Variants in SUPT3H observed in about 807,000 individuals in gnomAD.
SUPT3H encodes the protein transcription initiation protein SPT3 homolog.
Under a neutral mutation model 44.3 loss-of-function variants are expected in SUPT3H, and 44 were observed. The observed-to-expected ratio is 0.99, with a 90% CI of 0.78 to 1.28. The LOEUF (loss-of-function observed/expected upper bound fraction) is 1.28. Ranked by LOEUF, SUPT3H falls within the 50% of genes most tolerant of loss-of-function variation. SUPT3H has a pLI of 0.00. For missense variants in SUPT3H, 380 were observed against 387.1 expected (o/e 0.98, Z 0.15); for synonymous variants, 124 against 125.6 (o/e 0.99, Z 0.09).
At chr6:45,130,712 C>CTTT (rs1194423160) in intron 2 of SUPT3H, among the ~76,000 whole-genome samples, 48 of 88,592 alleles carry the variant, frequency 5.4e-4, no homozygotes, top group Non-Finnish European at 7.3e-4. Context: ...AAAAAAACCA[C>CTTT]TTTTTTTTTT....
rs372565666 is a variant in SUPT3H at position 45,010,900 on chromosome 6, G to A, written c.364+3901C>T. ...GTTAAAGAGGTTTCCTTCTCTTCCT[G>A]GTTTGTTGAATGTCCCTCTCATTAA... On this transcript the variant is annotated intron_variant, in intron 5 of 10. Transcript: ENST00000371459. Among the ~76,000 whole-genome samples the A allele has an allele frequency of 1.4e-4, 22 of 152,002 alleles. 1 individual carries two copies. The East Asian group carries it at 4.3e-3, about 29-fold the overall frequency.
At chr6:45,020,500 T>A in intron 4 of SUPT3H, 46 bp downstream of exon 4, 2 of 1,472,856 alleles carry the variant, frequency 1.4e-6, no homozygotes, top group Non-Finnish European at 1.9e-6. Context: ...GCAAGTTCAA[T>A]TAAACAAAAC....
intron 2 of SUPT3H, among the ~76,000 whole-genome samples, chr6:45,264,424 C>T (rs1774916665): frequency 6.6e-6 from 1 of 152,136 alleles, no homozygotes; most frequent in Admixed American, 6.6e-5. Flanking sequence ...CTTTGAGAGG[C>T]TGAGGCAGGT....
chr6:44,844,942 T>C (rs1165969516), intron 10 of SUPT3H, among the ~76,000 whole-genome samples: 2 of 152,136 alleles, frequency 1.3e-5, no homozygotes, highest in East Asian at 3.8e-4. Flanking sequence ...CCCACAATAA[T>C]GCTTTTGTTG....
intron 2 of SUPT3H, among the ~76,000 whole-genome samples, chr6:45,364,420 T>C (rs1259537937): frequency 6.6e-6 from 1 of 152,190 alleles, no homozygotes; most frequent in Non-Finnish European, 1.5e-5. Context: ...TCAACAGATA[T>C]ATTCTTTTCA....
chr6:45,037,630 C>T (rs1787880914), intron 3 of SUPT3H, among the ~76,000 whole-genome samples: 1 of 151,574 alleles, frequency 6.6e-6, no homozygotes, highest in South Asian at 2.1e-4. Context: ...TGCCACTGCA[C>T]TCCAGCCTGG....
intron 3 of SUPT3H, chr6:45,098,368 G>A: frequency 6.4e-6 from 1 of 156,064 alleles, no homozygotes; most frequent in South Asian, 2.0e-4. Context: ...AAAGAGTACT[G>A]CATGTAGAAT....
chr6:45,131,022 C>T (rs1349657207), intron 2 of SUPT3H, among the ~76,000 whole-genome samples: 1 of 152,016 alleles, frequency 6.6e-6, no homozygotes, highest in Admixed American at 6.6e-5. Flanking sequence ...CAGCCAAGAA[C>T]ACTTTTAAGT....
intron 2 of SUPT3H, among the ~76,000 whole-genome samples, chr6:45,193,842 G>C (rs1202385589): frequency 6.6e-6 from 1 of 152,190 alleles, no homozygotes; most frequent in Non-Finnish European, 1.5e-5. Context: ...AGAATTCTTA[G>C]AGTGAGCCCT....
intron 2 of SUPT3H, among the ~76,000 whole-genome samples, chr6:45,307,481 C>A (rs538989072): frequency 2.6e-5 from 4 of 152,212 alleles, no homozygotes; most frequent in Non-Finnish European, 4.4e-5. Context: ...GTTCTGCAGC[C>A]TCCGCTGCTG....
At chr6:45,000,249 T>C (rs1288919588) in intron 6 of SUPT3H, among the ~76,000 whole-genome samples, 1 of 152,076 alleles carries the variant, frequency 6.6e-6, no homozygotes, top group Non-Finnish European at 1.5e-5. Context: ...TGTGAATGTT[T>C]ATCTTACTGG....
intron 3 of SUPT3H, among the ~76,000 whole-genome samples, chr6:45,086,803 T>A (rs1413625294): frequency 2.0e-5 from 3 of 151,906 alleles, no homozygotes; most frequent in Non-Finnish European, 4.4e-5. Context: ...TAAAATATGT[T>A]GAACGTAAAT....
At chr6:45,068,905 A>G (rs1473985017) in intron 3 of SUPT3H, among the ~76,000 whole-genome samples, 1 of 151,952 alleles carries the variant, frequency 6.6e-6, no homozygotes, top group African/African-American at 2.4e-5. Context: ...GTCACTACTT[A>G]TCCCTTGATT....
chr6:45,310,938 C>A (rs1435326683), intron 2 of SUPT3H, among the ~76,000 whole-genome samples: 1 of 152,196 alleles, frequency 6.6e-6, no homozygotes, highest in Admixed American at 6.5e-5. Context: ...AAATCCCTCA[C>A]TTACCTGAAA....
At chr6:45,107,250 A>G (rs1799410346) in intron 2 of SUPT3H, among the ~76,000 whole-genome samples, 1 of 152,202 alleles carries the variant, frequency 6.6e-6, no homozygotes, top group Non-Finnish European at 1.5e-5. Context: ...AGAGTTCTAT[A>G]ATAGAGTACT....
At chr6:45,050,791 T>A (rs1790155868) in intron 3 of SUPT3H, among the ~76,000 whole-genome samples, 1 of 152,052 alleles carries the variant, frequency 6.6e-6, no homozygotes, top group Non-Finnish European at 1.5e-5. Context: ...TGGCTAATTA[T>A]TCTCCGAATA....
chr6:45,190,342 A>C (rs1266387558), intron 2 of SUPT3H, among the ~76,000 whole-genome samples: 1 of 152,180 alleles, frequency 6.6e-6, no homozygotes, highest in Non-Finnish European at 1.5e-5. Context: ...AGGAATTCTC[A>C]TTGGCCCAAA....
rs534041443 is a variant in SUPT3H, at chr6:45,254,506, A to G, written c.101+110695T>C. 2.6e-5 allele frequency among the ~76,000 whole-genome samples: 4 copies of G among 152,356 alleles called. 1 individual carries two copies. In the South Asian group the frequency reaches 8.3e-4, roughly 32 times the overall value. On this transcript the variant is annotated intron_variant, in intron 2 of 10. Coordinates refer to ENST00000371459, the MANE Select transcript of SUPT3H (RefSeq NM_003599.4). The stretch of plus-strand genomic sequence containing the variant: ...ACACACATTAGTATACAGAAAGGTC[A>G]AAGATTGGCAAAGATTCTAAGTGCA...
At chr6:45,336,305 T>C (rs537055245) in intron 2 of SUPT3H, among the ~76,000 whole-genome samples, 1 of 151,562 alleles carries the variant, frequency 6.6e-6, no homozygotes, top group South Asian at 2.1e-4. Flanking sequence ...GATTTAACAA[T>C]ATCCCTCCCT....
Sources: gnomAD v4.1 joint callset for allele counts (sites outside exome capture counted in the v4.1 genomes callset) on GRCh38, gnomAD v4.1.1 for gene constraint, MANE v1.5 for transcripts, NCBI Gene and HGNC (gene_info 2026-07-23, HGNC 2026-07-21) for gene names.